TRIP12: variants seen among roughly 807,000 people sequenced by gnomAD.
The protein encoded by TRIP12 is thyroid hormone receptor interactor 12, also known as E3 ubiquitin-protein ligase TRIP12.
In TRIP12, 25 loss-of-function variants were observed where a neutral mutation model predicts 244.2. The observed-to-expected ratio is 0.10, with a 90% CI of 0.07 to 0.14. The LOEUF (loss-of-function observed/expected upper bound fraction) is 0.14. Among genes scored for constraint, TRIP12 ranks in the 10% least tolerant of loss-of-function variants. The probability of loss-of-function intolerance (pLI) is 1.00; values close to 1 mark genes in which losing one functional copy is unlikely to be tolerated. For missense variants in TRIP12, 1,677 were observed against 2,486.4 expected, an observed-to-expected ratio of 0.67 and a Z score of 6.92; for synonymous variants, 905 against 873.1, an observed-to-expected ratio of 1.04 and a Z score of -0.64.
chr2:229,769,293 G>A lies in TRIP12; in HGVS notation c.5841C>T (p.Asp1947=). 8 of 1,613,934 alleles carry A rather than the reference G, an allele frequency of 5.0e-6. No homozygotes were observed. Among genetic ancestry groups the A allele is most frequent in the Non-Finnish European group, 6.8e-6 (8 of 1,179,982 alleles). Residue 1947 remains aspartate (D), a synonymous_variant, in exon 40 of 42, where the codon GAC becomes GAT. Coordinates refer to ENST00000675903, the MANE Select transcript of TRIP12 (RefSeq NM_001348323.3). The part of the protein sequence containing the change: ...LDQLLCGSKA[D]TWDAKTLMEC... Reference sequence around the variant, plus strand: ...CCATCAGTGTCTTTGCATCCCAAGTGTCTGCTTTACTGCCACAAAGGAGCT... The same window carrying A: ...CCATCAGTGTCTTTGCATCCCAAGTATCTGCTTTACTGCCACAAAGGAGCT...
Position 229,769,313 on chromosome 2 carries a change from G to C in TRIP12, c.5821C>G (p.Leu1941Val), listed in dbSNP as rs778828886. The C allele has an allele frequency of 1.2e-6, 2 of 1,613,750 alleles. No individual in the cohort carries two copies. Among genetic ancestry groups the C allele is most frequent in the Admixed American group, 1.7e-5 (1 of 59,980 alleles). ...CAAGTGTCTGCTTTACTGCCACAAA[G>C]GAGCTGATCCAGCTGTGAGTTTAAA... ...YFYPEELDQL[L>V]CGSKADTWDA... is the part of the protein sequence containing the mutation. Residue 1941 changes from leucine to valine, a missense_variant, in exon 40 of 42, where the codon CTT (leucine) becomes GTT (valine). Around this residue, in one of 11 missense-constraint regions of TRIP12, gnomAD observed 171 missense variants for 388.4 expected, o/e 0.44. Coordinates refer to ENST00000675903, the MANE Select transcript of TRIP12 (RefSeq NM_001348323.3).
chr2:229,816,019 CG>C (rs1208093651), intron 9 of TRIP12, among the ~76,000 whole-genome samples: 2 of 152,104 alleles, frequency 1.3e-5, no homozygotes, highest in Non-Finnish European at 2.9e-5. Flanking sequence ...TCTGTCCTCT[CG>C]AAGCAGCTGA....
At chr2:229,886,784 T>C (rs569323769) in intron 1 of TRIP12, among the ~76,000 whole-genome samples, 1 of 152,298 alleles carries the variant, frequency 6.6e-6, no homozygotes, top group South Asian at 2.1e-4. Context: ...TATTTTCAAA[T>C]TGTATTTTTA....
At chr2:229,855,036 G>A (rs1043652573) in intron 4 of TRIP12, among the ~76,000 whole-genome samples, 17 of 152,304 alleles carry the variant, frequency 1.1e-4, no homozygotes, top group African/African-American at 3.6e-4. Context: ...GGCCGCGGGG[G>A]ATGGATCACT....
chr2:229,871,586 C>T (rs1362533377), intron 2 of TRIP12, among the ~76,000 whole-genome samples: 1 of 152,188 alleles, frequency 6.6e-6, no homozygotes, highest in Non-Finnish European at 1.5e-5. Flanking sequence ...TGATTTTAAG[C>T]TCCCTGAGGC....
upstream of TRIP12, among the ~76,000 whole-genome samples, chr2:229,922,961 G>A (rs1048940913): frequency 6.6e-6 from 1 of 152,202 alleles, no homozygotes; most frequent in Non-Finnish European, 1.5e-5. Context: ...GAGAAGGAGG[G>A]AAAGAACGAC....
chr2:229,865,046 G>C (rs1243070838), intron 2 of TRIP12, among the ~76,000 whole-genome samples: 1 of 152,094 alleles, frequency 6.6e-6, no homozygotes. Context: ...GGTGGCTCAT[G>C]CCTGTAATCC....
chr2:229,858,942 C>A lies in TRIP12; in HGVS notation c.857G>T (p.Arg286Ile). The change falls in exon 4 of 42, where the codon AGA becomes ATA. Residue 286 changes from arginine to isoleucine, a missense_variant. By Grantham distance (97) the Arg-to-Ile change is moderately conservative. Transcript: ENST00000675903. ...ACTCTGTTCCTTTTCCCTGCTACTT[C>A]TTCTGGGGCTGGGACTGGACGCTGA... Reference protein sequence around the residue: ...SRSASSPSPRRSSREKEQSKT... With the variant: ...SRSASSPSPRISSREKEQSKT... 1 of 1,614,176 alleles carries A rather than the reference C, an allele frequency of 6.2e-7. No individual in the cohort carries two copies. Among genetic ancestry groups the A allele is most frequent in the Non-Finnish European group, 8.5e-7 (1 of 1,180,036 alleles).
At chr2:229,846,742 GTAA>G (rs1414897467) in intron 4 of TRIP12, among the ~76,000 whole-genome samples, 2 of 152,166 alleles carry the variant, frequency 1.3e-5, no homozygotes, top group South Asian at 2.1e-4. Context: ...AAATAACTCA[GTAA>G]TAATAAGACA....
chr2:229,810,010 T>C (rs114138300), intron 15 of TRIP12, among the ~76,000 whole-genome samples: 6 of 152,192 alleles, frequency 3.9e-5, no homozygotes, highest in Admixed American at 3.3e-4. Flanking sequence ...ATTATGGCTA[T>C]GAAATTACAA....
chr2:229,777,168 T>A, intron 37 of TRIP12, 147 bp downstream of exon 37: 2 of 835,036 alleles, frequency 2.4e-6, no homozygotes, highest in Non-Finnish European at 3.5e-6. Flanking sequence ...TGTGAAATCA[T>A]ATGTCTTAGT....
intron 34 of TRIP12, 49 bp downstream of exon 34, chr2:229,785,708 T>A: frequency 6.5e-7 from 1 of 1,531,224 alleles, no homozygotes; most frequent in Non-Finnish European, 8.9e-7. Flanking sequence ...TAACATTTAA[T>A]TAAGAGCACA....
chr2:229,827,204 T>TG (rs911642969), intron 8 of TRIP12, among the ~76,000 whole-genome samples: 16 of 151,334 alleles, frequency 1.1e-4, no homozygotes, highest in African/African-American at 3.9e-4. Context: ...CGCTTGAACC[T>TG]GGGAGGAGTA....
chr2:229,914,226 A>T (rs527690201), intron 1 of TRIP12, among the ~76,000 whole-genome samples: 219 of 152,244 alleles, frequency 1.4e-3, no homozygotes, highest in Admixed American at 4.6e-3. Context: ...ATAATAATAA[A>T]AATAATAGAT....
intron 1 of TRIP12, among the ~76,000 whole-genome samples, chr2:229,910,554 C>T (rs1178718345): frequency 6.6e-6 from 1 of 152,160 alleles, no homozygotes; most frequent in East Asian, 1.9e-4. Flanking sequence ...ATTAGCTCTT[C>T]AGTAATTCCT....
At chr2:229,918,675 G>A (rs1188765436) in intron 1 of TRIP12, among the ~76,000 whole-genome samples, 2 of 152,152 alleles carry the variant, frequency 1.3e-5, no homozygotes, top group African/African-American at 4.8e-5. Flanking sequence ...AGACAAAAAT[G>A]AGACCCAAAT....
At chr2:229,826,225 C>A (rs2051542752) in intron 8 of TRIP12, among the ~76,000 whole-genome samples, 2 of 152,078 alleles carry the variant, frequency 1.3e-5, no homozygotes, top group Non-Finnish European at 2.9e-5. Context: ...CATTTTGTAA[C>A]CCCTATTACA....
Position 229,810,937 on chromosome 2 carries a change from T to A in TRIP12, c.2164A>T (p.Met722Leu), listed in dbSNP as rs752542326. 4 of 1,614,128 alleles carry A rather than the reference T, an allele frequency of 2.5e-6. No individual in the cohort carries two copies. Among genetic ancestry groups the A allele is most frequent in the Non-Finnish European group, 3.4e-6 (4 of 1,180,002 alleles). Residue 722 changes from methionine to leucine, a missense_variant, in exon 15 of 42, where the codon ATG becomes TTG. This residue lies in a region of TRIP12 where 572 missense variants were observed against 867.8 expected (regional missense o/e 0.66). Transcript: ENST00000675903. The stretch of plus-strand genomic sequence containing the variant: ...CAGTTGGAACACATCAGAGAAAACA[T>A]GCGAACCACCATTATAAACATCCCA... Reference protein sequence around the residue: ...SSGMFIMVVRMFSLMCSNCPT... With the variant: ...SSGMFIMVVRLFSLMCSNCPT...
chr2:229,858,675 TG>T (rs1454084521), intron 4 of TRIP12, 96 bp downstream of exon 4: 10 of 1,046,466 alleles, frequency 9.6e-6, no homozygotes, highest in Admixed American at 2.8e-5. Flanking sequence ...TATCTAAGAC[TG>T]GGGGGAAAAA....
Sources: allele counts gnomAD v4.1 joint callset (sites outside exome capture counted in the v4.1 genomes callset), GRCh38; gene constraint gnomAD v4.1.1; regional missense constraint gnomAD v4.1.1; transcripts MANE v1.5; gene names NCBI Gene and HGNC (gene_info 2026-07-23, HGNC 2026-07-21).